PSME4: variants seen among roughly 807,000 people sequenced by gnomAD.
The protein encoded by PSME4 is proteasome activator subunit 4, also known as proteasome activator complex subunit 4.
PSME4 carries 89 observed loss-of-function variants against 253.9 expected under a neutral mutation model. The ratio of observed to expected loss-of-function variants is 0.35; its 90% confidence interval spans 0.30 to 0.42. PSME4 has a LOEUF of 0.42. Ranked by LOEUF, PSME4 falls within the 10% of genes least tolerant of loss-of-function variation. PSME4 has a pLI of 1.00. For synonymous variants in PSME4, 851 were observed against 759.2 expected (o/e 1.12, Z -1.99); for missense variants, 2,014 against 2,195.2 (o/e 0.92, Z 1.65).
intron 39 of PSME4, 75 bp downstream of exon 39, chr2:53,887,783 A>G: frequency 6.9e-7 from 1 of 1,448,136 alleles, no homozygotes; most frequent in Non-Finnish European, 9.4e-7. Context: ...ACCAGCATGT[A>G]TTATTACCTA....
At chr2:53,908,114 A>G in intron 24 of PSME4, 1 of 520,394 alleles carries the variant, frequency 1.9e-6, no homozygotes, top group South Asian at 2.7e-5. Context: ...TCATGGAAAC[A>G]GGCAGAAGAT....
chr2:53,912,398 T>C (rs1477677639), intron 20 of PSME4, among the ~76,000 whole-genome samples: 1 of 152,210 alleles, frequency 6.6e-6, no homozygotes, highest in Non-Finnish European at 1.5e-5. Flanking sequence ...TCTTCTTGCC[T>C]ACCACAAATT....
chr2:53,970,762 C>G lies in PSME4; in HGVS notation c.23G>C (p.Gly8Ala), dbSNP rs2104499030. The stretch of plus-strand genomic sequence containing the variant: ...GCCCGGCTCCGGGGGCTCTCCGACT[C>G]CCGCCCGCTCGGCCGGCTCCATGAG... MEPAERAGVGEPPEPGGR... is the reference protein window; with the variant it reads MEPAERAAVGEPPEPGGR... Residue 8 changes from glycine to alanine, a missense_variant, in exon 1 of 47, where the codon GGA becomes GCA. Gly to Ala is a moderately conservative substitution (Grantham distance 60). Around this residue, in one of 4 missense-constraint regions of PSME4, gnomAD observed 615 missense variants for 594.4 expected, o/e 1.03. Coordinates refer to ENST00000404125, the MANE Select transcript of PSME4 (RefSeq NM_014614.3). 1 of 1,543,732 alleles carries G rather than the reference C, an allele frequency of 6.5e-7. No individual in the cohort carries two copies.
rs1229374146 is a variant in PSME4 at position 53,886,829 on chromosome 2, CAG to C, written c.4729+428_4729+429del. ...ATCCAGCAAACAGATGAATGGGTAA[CAG>C]ATTAAGGACACAACATGATTCAGAA... On this transcript the variant is annotated intron_variant, in intron 40 of 46. Coordinates refer to ENST00000404125, the MANE Select transcript of PSME4 (RefSeq NM_014614.3). Among the ~76,000 whole-genome samples, 1,379 of 152,230 alleles carry C rather than the reference CAG, an allele frequency of 9.1e-3. 15 individuals are homozygous for C. Among genetic ancestry groups the C allele is most frequent in the African/African-American group, 0.032 (1,311 of 41,544 alleles).
At chr2:53,908,245 GAAT>G in intron 24 of PSME4, 72 bp downstream of exon 24, 1 of 1,201,878 alleles carries the variant, frequency 8.3e-7, no homozygotes, top group Non-Finnish European at 1.2e-6. Context: ...TCTATATGCT[GAAT>G]AATACCCAAA....
intron 35 of PSME4, among the ~76,000 whole-genome samples, chr2:53,893,453 G>A (rs2104428131): frequency 6.6e-6 from 1 of 152,188 alleles, no homozygotes; most frequent in South Asian, 2.1e-4. Flanking sequence ...CTAATACAAT[G>A]CTTACTAATT....
intron 1 of PSME4, among the ~76,000 whole-genome samples, chr2:53,965,686 G>A (rs1229967790): frequency 2.2e-5 from 3 of 133,868 alleles, no homozygotes; most frequent in South Asian, 5.0e-4. Context: ...TTTTTTTTGA[G>A]TCAGAGTCTC....
Position 53,925,977 on chromosome 2 carries a change from A to G in PSME4, c.1640T>C (p.Val547Ala). 6.2e-7 allele frequency: 1 copy of G among 1,613,488 alleles called. No homozygotes were observed. The highest frequency in any genetic ancestry group is 1.3e-5 in the African/African-American group (1 of 75,034). The part of the protein sequence containing the change: ...CSATAEFEDF[V>A]LQFMDRCFGL... ...AGCTCACCTGTCCATAAACTGTAAG[A>G]CGAAATCCTCAAATTCAGCTGTGGC... Residue 547 changes from valine to alanine, a missense_variant, in exon 13 of 47, where the codon GTC becomes GCC. By Grantham distance (64) the Val-to-Ala change is moderately conservative. Coordinates refer to ENST00000404125, the MANE Select transcript of PSME4 (RefSeq NM_014614.3).
At chr2:53,919,072 A>C in intron 20 of PSME4, 79 bp downstream of exon 20, 2 of 1,365,696 alleles carry the variant, frequency 1.5e-6, no homozygotes, top group Non-Finnish European at 2.0e-6. Context: ...TAAAAGCAAT[A>C]ACAACAACAA....
chr2:53,940,985 A>ATAT (rs1553338483), intron 3 of PSME4, among the ~76,000 whole-genome samples: 2 of 95,030 alleles, frequency 2.1e-5, no homozygotes, highest in Non-Finnish European at 4.7e-5. Flanking sequence ...ATATATATAT[A>ATAT]TATATATATA....
intron 33 of PSME4, 68 bp from the exon 34 acceptor site, chr2:53,895,144 C>A: frequency 2.2e-6 from 3 of 1,379,970 alleles, no homozygotes; most frequent in Non-Finnish European, 3.0e-6. Flanking sequence ...GGATAGAAAG[C>A]ATTAGAAGGC....
At chr2:53,952,185 C>CA (rs1670029578) in intron 1 of PSME4, among the ~76,000 whole-genome samples, 1 of 152,098 alleles carries the variant, frequency 6.6e-6, no homozygotes, top group South Asian at 2.1e-4. Flanking sequence ...CCTGTAATCC[C>CA]AGCACTTTGG....
At chr2:53,874,596 C>T in intron 42 of PSME4, 102 bp from the exon 43 acceptor site, 12 of 1,173,800 alleles carry the variant, frequency 1.0e-5, no homozygotes, top group Non-Finnish European at 1.5e-5. Context: ...TCTAATTTAA[C>T]TCTATTTACA....
intron 15 of PSME4, 80 bp from the exon 16 acceptor site, chr2:53,923,198 C>G: frequency 6.8e-7 from 1 of 1,478,004 alleles, no homozygotes; most frequent in South Asian, 1.3e-5. Context: ...CAGTAAAAGG[C>G]TGTAAATAAG....
chr2:53,939,956 G>A lies in PSME4; in HGVS notation c.545C>T (p.Pro182Leu), dbSNP rs1192772131. The change falls in exon 4 of 47, where the codon CCA (proline) becomes CTA (leucine). Residue 182 changes from proline to leucine, a missense_variant and splice_region_variant. Physicochemically the swap from Pro to Leu is moderately conservative, Grantham distance 98. Around this residue, in one of 4 missense-constraint regions of PSME4, gnomAD observed 615 missense variants for 594.4 expected, o/e 1.03. Transcript: ENST00000404125. ...ILKTLVKSCR[P>L]YFPADATAEM... is the part of the protein sequence containing the mutation. ...CTTTATAAATTGAGAAGCTACTTAC[G>A]GTCGGCAGCTTTTCACGAGTGTTTT... is the stretch of plus-strand genomic sequence containing the variant. 10 of 1,592,430 alleles carry A rather than the reference G, an allele frequency of 6.3e-6. No homozygotes were observed. Among genetic ancestry groups the A allele is most frequent in the Admixed American group, 1.7e-5 (1 of 59,450 alleles).
At chr2:53,967,679 A>AAAAAAAAC (rs1670808609) in intron 1 of PSME4, among the ~76,000 whole-genome samples, 8 of 139,944 alleles carry the variant, frequency 5.7e-5, no homozygotes, top group African/African-American at 2.2e-4. Context: ...AAAAAAAAAA[A>AAAAAAAAC]GTCAAAAAGA....
chr2:53,931,906 T>A lies in PSME4; in HGVS notation c.1245A>T (p.Leu415=). The A allele has an allele frequency of 6.2e-7, 1 of 1,614,196 alleles. No individual in the cohort carries two copies. The highest frequency in any genetic ancestry group is 8.5e-7 in the Non-Finnish European group (1 of 1,180,024). ...LLAMFSKTGS[L]EAAQALQNLA... is the part of the protein sequence containing the mutation. The stretch of plus-strand genomic sequence containing the variant: ...GATTCTGCAAAGCCTGGGCTGCTTC[T>A]AGACTACCGGTTTTGCTAAACATAG... The change falls in exon 10 of 47, where the codon CTA becomes CTT. Residue 415 remains leucine, a synonymous_variant. Coordinates refer to ENST00000404125, the MANE Select transcript of PSME4 (RefSeq NM_014614.3).
At chr2:53,917,831 CA>C (rs1210790836) in intron 20 of PSME4, among the ~76,000 whole-genome samples, 7 of 152,116 alleles carry the variant, frequency 4.6e-5, no homozygotes, top group Admixed American at 3.9e-4. Flanking sequence ...TGTTCAAAAT[CA>C]ATCTTTTTTA....
intron 43 of PSME4, among the ~76,000 whole-genome samples, chr2:53,871,943 G>A (rs891434037): frequency 1.3e-5 from 2 of 152,102 alleles, no homozygotes; most frequent in Non-Finnish European, 1.5e-5. Context: ...CAACCCAGGG[G>A]GCAGAGGTTG....
Sources: allele counts gnomAD v4.1 joint callset (sites outside exome capture counted in the v4.1 genomes callset), GRCh38; gene constraint gnomAD v4.1.1; regional missense constraint gnomAD v4.1.1; transcripts MANE v1.5; gene names NCBI Gene and HGNC (gene_info 2026-07-23, HGNC 2026-07-21).